The following SYNC variants were observed in gnomAD, a reference collection of about 807,000 sequenced individuals.
SYNC encodes syncoilin, intermediate filament protein.
In SYNC, 38 loss-of-function variants were observed where a neutral mutation model predicts 49.5. The ratio of observed to expected loss-of-function variants is 0.77; its 90% CI spans 0.59 to 1.01. The LOEUF (loss-of-function observed/expected upper bound fraction) is 1.01. Ranked by LOEUF, SYNC falls within the 50% of genes least tolerant of loss-of-function variation. The probability of loss-of-function intolerance (pLI) is 0.00; values close to 1 mark genes in which losing one functional copy is unlikely to be tolerated. For synonymous variants in SYNC, 201 were observed against 230.8 expected (o/e 0.87, Z 1.17); for missense variants, 579 against 580.6 (o/e 1.00, Z 0.03).
At chr1:32,691,567 AAGTAGC>A (rs1247551491) in intron 2 of SYNC, among the ~76,000 whole-genome samples, 2 of 36,758 alleles carry the variant, frequency 5.4e-5, no homozygotes, top group Admixed American at 2.4e-4. Flanking sequence ...AAAAAAAAAA[AAGTAGC>A]AAGGCAATCA....
rs1156691648 is a variant in SYNC, at chr1:32,702,531, G to C, written c.53+77C>G. On this transcript the variant is annotated intron_variant, in intron 1 of 4. Transcript: ENST00000409190. This position sits in a 1 kb window ranked among gnomAD's most constrained non-coding sequence, Gnocchi z 6.2. ...CCCTAGACAGGCGAAAGACGCCCGC[G>C]GTCGGGGGGAAAGGGAACCCGTCCA... 1 of 1,190,094 alleles carries C rather than the reference G, an allele frequency of 8.4e-7. No individual in the cohort carries two copies. Among genetic ancestry groups the C allele is most frequent in the African/African-American group, 1.6e-5 (1 of 62,902 alleles). The allele number at this position is 1,190,094 out of a possible 1,614,324, so 73.7% of individuals were successfully genotyped here.
chr1:32,689,019 A>G (rs538856931), intron 2 of SYNC, among the ~76,000 whole-genome samples: 162 of 150,418 alleles, frequency 1.1e-3, no homozygotes, highest in South Asian at 2.7e-3. Flanking sequence ...GCTCACTGCA[A>G]CCTCTGCCTC....
rs1427552250 is a variant in SYNC, at chr1:32,684,326, G to T, written c.1290C>A (p.Leu430=). The change falls in exon 3 of 5, where the codon CTC becomes CTA. Residue 430 remains leucine (L), a synonymous_variant. Coordinates refer to ENST00000409190, the MANE Select transcript of SYNC (RefSeq NM_030786.3). ...CCATCTCTTTGTTCTTCTGTTGCTG[G>T]AGTTGCACCCCATTTCTTAACTGCC... The part of the protein sequence containing the change: ...RQRQLRNGVQ[L]QQQKNKEMEQ... The T allele has an allele frequency of 6.2e-7, 1 of 1,614,002 alleles. No homozygotes were observed. Among genetic ancestry groups the T allele is most frequent in the East Asian group, 2.2e-5 (1 of 44,900 alleles).
rs545094895 is a variant in SYNC, at chr1:32,684,124, TG to T, written c.1359-36del. On this transcript the variant is annotated intron_variant, in intron 3 of 4. Transcript: ENST00000409190. ...GAGAGAGCCATTTTCCATGTGTTTTTGGATAAGCACAATTTGAAAATCATTT... is the reference window on the plus strand; with the variant it reads ...GAGAGAGCCATTTTCCATGTGTTTTTGATAAGCACAATTTGAAAATCATTT... 60 of 1,610,804 alleles carry T rather than the reference TG, an allele frequency of 3.7e-5. 1 individual carries two copies. The highest frequency in any genetic ancestry group is 1.6e-4 in the Middle Eastern group (1 of 6,064).
At chr1:32,683,662 C>A (rs1649602403) in intron 4 of SYNC, 1 of 172,902 alleles carries the variant, frequency 5.8e-6, no homozygotes, top group South Asian at 1.7e-4. Flanking sequence ...TTGAGGCAGT[C>A]TCACTCTGTT....
chr1:32,694,066 G>C (rs1650291476), intron 2 of SYNC, among the ~76,000 whole-genome samples: 3 of 151,702 alleles, frequency 2.0e-5, no homozygotes, highest in African/African-American at 7.3e-5. Flanking sequence ...GTGAAACCCT[G>C]TCTCTACAAA....
At position 32,694,299 on chromosome 1, in the gene SYNC, C is replaced by T. The variant is rs542357573; in HGVS notation, c.1233+566G>A. ...GCTTGAACCTGAGAGGTCGAGGCTGCAGTTAGCTGTGATCATGCCACTGCA... is the reference window on the plus strand; with the variant it reads ...GCTTGAACCTGAGAGGTCGAGGCTGTAGTTAGCTGTGATCATGCCACTGCA... On this transcript the variant is annotated intron_variant, in intron 2 of 4. Coordinates refer to ENST00000409190, the MANE Select transcript of SYNC (RefSeq NM_030786.3). 9.2e-5 allele frequency among the ~76,000 whole-genome samples: 14 copies of T among 151,670 alleles called. No homozygotes were observed. In the East Asian group the frequency reaches 2.5e-3, roughly 27 times the overall value.
intron 2 of SYNC, among the ~76,000 whole-genome samples, chr1:32,687,796 C>G (rs1023991012): frequency 6.7e-6 from 1 of 149,960 alleles, no homozygotes; most frequent in East Asian, 1.9e-4. Flanking sequence ...TGAGCTGTTC[C>G]CTCTGTCTGG....
chr1:32,700,349 C>T (rs1650616877), intron 1 of SYNC, among the ~76,000 whole-genome samples: 1 of 152,182 alleles, frequency 6.6e-6, no homozygotes, highest in African/African-American at 2.4e-5. Context: ...AATGACTTCA[C>T]CGTGTTCAAG....
intron 1 of SYNC, among the ~76,000 whole-genome samples, chr1:32,697,142 TTAAAGAGAACCA>T (rs1416487130): frequency 6.6e-6 from 1 of 152,044 alleles, no homozygotes; most frequent in African/African-American, 2.4e-5. Flanking sequence ...ATCTAAACAC[TTAAAGAGAACCA>T]TGGTCGGCCA....
chr1:32,684,264 G>A lies in SYNC; in HGVS notation c.1352C>T (p.Thr451Ile), dbSNP rs1397217859. The A allele has an allele frequency of 8.1e-6, 13 of 1,614,090 alleles. No individual in the cohort carries two copies. Among genetic ancestry groups the A allele is most frequent in the Non-Finnish European group, 1.0e-5 (12 of 1,180,040 alleles). The part of the protein sequence containing the change: ...LRLSLAEELS[T>I]YKAMLLPKSL... ...TATAGCAGCAGAAACTGACTTATAAGTAGAGAGCTCTTCAGCAAGACTGAG... is the reference window on the plus strand; with the variant it reads ...TATAGCAGCAGAAACTGACTTATAAATAGAGAGCTCTTCAGCAAGACTGAG... Residue 451 changes from threonine to isoleucine, a missense_variant, in exon 3 of 5, where the codon ACT becomes ATT. Coordinates refer to ENST00000409190, the MANE Select transcript of SYNC (RefSeq NM_030786.3).
intron 2 of SYNC, among the ~76,000 whole-genome samples, chr1:32,692,008 G>A (rs1406299325): frequency 6.6e-6 from 1 of 152,008 alleles, no homozygotes. Context: ...CGAGGCGGGC[G>A]GATCACAAGA....
At chr1:32,687,528 G>C (rs1362546590) in intron 2 of SYNC, among the ~76,000 whole-genome samples, 3 of 151,576 alleles carry the variant, frequency 2.0e-5, no homozygotes, top group African/African-American at 7.3e-5. Context: ...AAAATTAGTT[G>C]GGCATGGTGG....
At position 32,684,055 on chromosome 1, in the gene SYNC, C is replaced by CA. The variant is rs1163935985; in HGVS notation, c.1392dup (p.Asp465Ter). On this transcript the variant is annotated frameshift_variant, in exon 4 of 5. Coordinates refer to ENST00000409190, the MANE Select transcript of SYNC (RefSeq NM_030786.3). LOFTEE classifies it high-confidence loss of function. ...CCACCTGCCTGAGAAGTGGGAGCAT[C>CA]AGCCTGTTCCAGGCTCTTGGGTAGT... 1 of 1,614,060 alleles carries CA rather than the reference C, an allele frequency of 6.2e-7. No individual in the cohort carries two copies. The highest frequency in any genetic ancestry group is 8.5e-7 in the Non-Finnish European group (1 of 1,180,034).
Position 32,694,843 on chromosome 1 carries a change from TTTTCATGCCCAA to T in SYNC, c.1233+10_1233+21del. ...TCCCCAGGTTAAAAGACCTCAGTTC[TTTTCATGCCCAA>T]TGGGCCTACCCTGTACTGCTGCACC... On this transcript the variant is annotated intron_variant, in intron 2 of 4. Transcript: ENST00000409190. 3.2e-6 allele frequency: 5 copies of T among 1,539,984 alleles called. No homozygotes were observed. The highest frequency in any genetic ancestry group is 4.4e-6 in the Non-Finnish European group (5 of 1,146,146).
intron 1 of SYNC, among the ~76,000 whole-genome samples, chr1:32,701,743 G>A (rs1295087601): frequency 6.6e-6 from 1 of 152,168 alleles, no homozygotes; most frequent in Non-Finnish European, 1.5e-5. Context: ...GCTTCCTTGG[G>A]CCCTGGGCAG....
In SYNC at chr1:32,695,644, C is replaced by A. The variant is rs1483105600; in HGVS notation, c.454G>T (p.Glu152Ter). The change falls in exon 2 of 5, where the codon GAG becomes TAG. Residue 152 changes from glutamate to a stop codon, truncating the protein, a stop_gained. Transcript: ENST00000409190. LOFTEE classifies it high-confidence loss of function. The stretch of plus-strand genomic sequence containing the variant: ...CTCTGCTCGGCTCTGAGGCTCTCCT[C>A]AGGGTTAGATTTCTCCGCCCTTGTG... The part of the protein sequence containing the change: ...TVTRAEKSNP[E>*]ESLRAEQSPS... 6.4e-7 allele frequency: 1 copy of A among 1,551,672 alleles called. No homozygotes were observed. The highest frequency in any genetic ancestry group is 2.0e-5 in the Admixed American group (1 of 50,952).
chr1:32,687,025 T>C (rs1461152933), intron 2 of SYNC, among the ~76,000 whole-genome samples: 6 of 152,154 alleles, frequency 3.9e-5, no homozygotes, highest in Non-Finnish European at 8.8e-5. Context: ...GGTCCACAGC[T>C]TTAGAGAAAA....
chr1:32,696,384 G>A (rs1045402804), intron 1 of SYNC, among the ~76,000 whole-genome samples: 20 of 151,758 alleles, frequency 1.3e-4, no homozygotes, highest in Admixed American at 7.9e-4. Context: ...GCGTGATGTC[G>A]GCTCACTGCA....
Sources: allele counts gnomAD v4.1 joint callset (sites outside exome capture counted in the v4.1 genomes callset), GRCh38; gene constraint gnomAD v4.1.1; non-coding constraint Gnocchi (gnomAD v3.1); transcripts MANE v1.5; gene names NCBI Gene and HGNC (gene_info 2026-07-23, HGNC 2026-07-21).